The following CNTN5 variants were observed in gnomAD, a reference collection of about 807,000 sequenced individuals.
The protein encoded by CNTN5 is contactin-5.
CNTN5 carries 77 observed loss-of-function variants against 129.1 expected under a neutral mutation model. The ratio of observed to expected loss-of-function variants is 0.60; its 90% CI spans 0.50 to 0.72. CNTN5 has a LOEUF of 0.72. Ranked by LOEUF, CNTN5 falls within the 30% of genes least tolerant of loss-of-function variation. CNTN5 has a pLI of 0.00. For missense variants in CNTN5, 1,478 were observed against 1,328.8 expected (o/e 1.11, Z -1.75); for synonymous variants, 509 against 465.6 (o/e 1.09, Z -1.20).
intron 1 of CNTN5, among the ~76,000 whole-genome samples, chr11:99,211,244 T>C (rs1781586959): frequency 6.6e-6 from 1 of 152,122 alleles, no homozygotes; most frequent in African/African-American, 2.4e-5. Flanking sequence ...TAGTCACTTG[T>C]TTTGTTTTGG....
intron 1 of CNTN5, among the ~76,000 whole-genome samples, chr11:99,199,863 A>G (rs778466480): frequency 2.0e-5 from 3 of 152,220 alleles, no homozygotes; most frequent in Non-Finnish European, 4.4e-5. Context: ...AGTCTTCCAC[A>G]TTCTACTTTA....
intron 7 of CNTN5, among the ~76,000 whole-genome samples, chr11:99,922,914 C>G (rs182989292): frequency 1.9e-4 from 29 of 152,252 alleles, no homozygotes; most frequent in African/African-American, 6.5e-4. Flanking sequence ...CTGGTATTAG[C>G]TCATTGTATC....
chr11:99,847,078 T>C (rs2135707420), intron 6 of CNTN5, among the ~76,000 whole-genome samples: 1 of 152,338 alleles, frequency 6.6e-6, no homozygotes, highest in Non-Finnish European at 1.5e-5. Flanking sequence ...CAAGAAAATA[T>C]GCTATACAAA....
At chr11:99,551,493 G>T (rs1271851947) in intron 2 of CNTN5, among the ~76,000 whole-genome samples, 1 of 152,100 alleles carries the variant, frequency 6.6e-6, no homozygotes, top group Non-Finnish European at 1.5e-5. Context: ...GATTGTGTAG[G>T]TAAAGTGCTT....
intron 2 of CNTN5, among the ~76,000 whole-genome samples, chr11:99,532,566 A>G (rs1947752390): frequency 6.6e-6 from 1 of 152,180 alleles, no homozygotes; most frequent in South Asian, 2.1e-4. Context: ...GTATCTCCCC[A>G]GAATACTCAC....
At chr11:100,352,187 A>G (rs1952432438) in intron 24 of CNTN5, among the ~76,000 whole-genome samples, 1 of 151,534 alleles carries the variant, frequency 6.6e-6, no homozygotes, top group Non-Finnish European at 1.5e-5. Flanking sequence ...ACCCTCTGAT[A>G]GGCCCTAGCG....
intron 16 of CNTN5, among the ~76,000 whole-genome samples, chr11:100,243,941 A>T (rs539625636): frequency 1.3e-5 from 2 of 151,700 alleles, no homozygotes; most frequent in African/African-American, 4.8e-5. Context: ...CCTCCTCCAG[A>T]CTCTCCCTTT....
At chr11:99,342,601 AAG>A (rs200503213) in intron 2 of CNTN5, among the ~76,000 whole-genome samples, 6,887 of 135,546 alleles carry the variant, frequency 0.051, 349 homozygotes, top group East Asian at 0.13. Context: ...AAAAAAAAAA[AAG>A]CAGGGCGTGG....
chr11:99,915,993 A>G (rs1222504241), intron 6 of CNTN5, 61 bp from the exon 7 acceptor site: 3 of 1,296,806 alleles, frequency 2.3e-6, no homozygotes, highest in South Asian at 2.5e-5. Context: ...ACAAGTTACA[A>G]TCATAGCAAT....
chr11:100,163,856 C>T (rs1947536103), intron 13 of CNTN5, among the ~76,000 whole-genome samples: 1 of 151,760 alleles, frequency 6.6e-6, no homozygotes, highest in East Asian at 1.9e-4. Context: ...TCCTATGTAC[C>T]AGACACTTTA....
intron 3 of CNTN5, among the ~76,000 whole-genome samples, chr11:99,693,706 T>A (rs1374711201): frequency 6.6e-6 from 1 of 152,180 alleles, no homozygotes; most frequent in Non-Finnish European, 1.5e-5. Context: ...AATACCAATA[T>A]GTCAGTGGGA....
At chr11:99,034,984 G>A (rs1330572641) in intron 1 of CNTN5, among the ~76,000 whole-genome samples, 2 of 150,300 alleles carry the variant, frequency 1.3e-5, no homozygotes, top group African/African-American at 2.4e-5. Context: ...TGTTCTCGTT[G>A]GTTTCAAAGA....
chr11:99,478,024 A>C (rs1404814844), intron 2 of CNTN5, among the ~76,000 whole-genome samples: 2 of 152,038 alleles, frequency 1.3e-5, no homozygotes, highest in Non-Finnish European at 2.9e-5. Flanking sequence ...TTGTGAAGTT[A>C]AGTCTTTTTT....
chr11:99,991,338 G>A (rs1939082453), intron 8 of CNTN5, among the ~76,000 whole-genome samples: 1 of 125,358 alleles, frequency 8.0e-6, no homozygotes, highest in African/African-American at 3.8e-5. Flanking sequence ...GTGGTGGTGG[G>A]TCCCTGTAGT....
intron 9 of CNTN5, among the ~76,000 whole-genome samples, chr11:100,044,143 T>C (rs1344257743): frequency 7.5e-6 from 1 of 132,622 alleles, no homozygotes; most frequent in African/African-American, 2.9e-5. Context: ...TACATGTGTA[T>C]GTACACACAT....
At chr11:99,717,402 G>A (rs1955286210) in intron 3 of CNTN5, among the ~76,000 whole-genome samples, 1 of 151,900 alleles carries the variant, frequency 6.6e-6, no homozygotes, top group South Asian at 2.1e-4. Context: ...GAAAAGCGTA[G>A]GGAAGTTATT....
intron 13 of CNTN5, among the ~76,000 whole-genome samples, chr11:100,158,540 A>G (rs1325972893): frequency 6.6e-6 from 1 of 151,894 alleles, no homozygotes; most frequent in Non-Finnish European, 1.5e-5. Flanking sequence ...AAAAATTGGC[A>G]AATATCCTGA....
intron 9 of CNTN5, among the ~76,000 whole-genome samples, chr11:100,037,137 C>T (rs1047270180): frequency 6.0e-5 from 9 of 149,350 alleles, no homozygotes; most frequent in East Asian, 6.0e-4. Flanking sequence ...TTTTGAGATA[C>T]GTTCCATCAA....
At chr11:100,147,305 T>G (rs1946884241) in intron 13 of CNTN5, among the ~76,000 whole-genome samples, 2 of 152,120 alleles carry the variant, frequency 1.3e-5, no homozygotes, top group African/African-American at 4.8e-5. Context: ...TTCCGTCTGG[T>G]CTTTTTATCT....
Sources: gnomAD v4.1 joint callset for allele counts (sites outside exome capture counted in the v4.1 genomes callset) on GRCh38, gnomAD v4.1.1 for gene constraint, MANE v1.5 for transcripts, NCBI Gene and HGNC (gene_info 2026-07-23, HGNC 2026-07-21) for gene names.